ADIPOR1: variants seen among roughly 807,000 people sequenced by gnomAD.
ADIPOR1 encodes the protein adiponectin receptor 1.
Under a neutral mutation model 37.5 loss-of-function variants are expected in ADIPOR1, and 15 were observed. The observed-to-expected ratio is 0.40, with a 90% CI of 0.27 to 0.62. The LOEUF is 0.62. Among genes scored for constraint, ADIPOR1 ranks in the 20% least tolerant of loss-of-function variants. The pLI, the probability that ADIPOR1 is intolerant of heterozygous loss-of-function variation, is 0.42. For missense variants in ADIPOR1, 286 were observed against 478.0 expected (o/e 0.60, Z 3.75); for synonymous variants, 173 against 173.2 (o/e 1.00, Z 0.01).
chr1:202,946,401 GACA>G, intron 4 of ADIPOR1, 35 bp downstream of exon 4: 1 of 1,612,090 alleles, frequency 6.2e-7, no homozygotes, highest in South Asian at 1.1e-5. Context: ...CAGTTAGGGA[GACA>G]ACAAATTCCA....
rs1169700403 is a variant in ADIPOR1 at position 202,941,337 on chromosome 1, C to G, written c.*236G>C. The G allele has an allele frequency of 2.8e-6, 1 of 363,122 alleles. No homozygotes were observed. The highest frequency in any genetic ancestry group is 2.1e-5 in the African/African-American group (1 of 47,794). 22.5% of individuals were successfully genotyped at this position (363,122 alleles called of 1,614,324 possible). ...TGTCTCTGTGAGGGGCCGGTAGATG[C>G]CTTGCTGAGGAGGGGATGGCTAAGT... On this transcript the variant is annotated 3_prime_UTR_variant, in exon 8 of 8. Coordinates refer to ENST00000340990, the MANE Select transcript of ADIPOR1 (RefSeq NM_015999.6).
intron 3 of ADIPOR1, 77 bp downstream of exon 3, chr1:202,948,227 G>T: frequency 2.5e-6 from 3 of 1,217,132 alleles, no homozygotes; most frequent in Non-Finnish European, 3.5e-6. Context: ...TCGACCCAGT[G>T]CAAGCTTGCT....
At chr1:202,956,082 C>T (rs945586265) in intron 1 of ADIPOR1, among the ~76,000 whole-genome samples, 3 of 152,222 alleles carry the variant, frequency 2.0e-5, no homozygotes, top group African/African-American at 7.2e-5. Context: ...GGCCTATGCC[C>T]CCAACATTTC....
In ADIPOR1 at chr1:202,941,566, G is replaced by C; in HGVS notation, c.*7C>G. On this transcript the variant is annotated 3_prime_UTR_variant, in exon 8 of 8. Transcript: ENST00000340990. ...AAGTTCCTCCTCCACCCCGCAGGTGGGAAGGCTCAGAGAAGGGTGTCATCA... is the reference window on the plus strand; with the variant it reads ...AAGTTCCTCCTCCACCCCGCAGGTGCGAAGGCTCAGAGAAGGGTGTCATCA... 2 of 1,601,530 alleles carry C rather than the reference G, an allele frequency of 1.2e-6. No individual in the cohort carries two copies. Among genetic ancestry groups the C allele is most frequent in the Non-Finnish European group, 1.7e-6 (2 of 1,176,552 alleles).
In ADIPOR1 at chr1:202,946,441, A is replaced by G. The variant is rs766267373; in HGVS notation, c.428T>C (p.Leu143Pro). The change falls in exon 4 of 8, where the codon CTT becomes CCT. Residue 143 changes from leucine to proline, a missense_variant and splice_region_variant. Coordinates refer to ENST00000340990, the MANE Select transcript of ADIPOR1 (RefSeq NM_015999.6). ...TETGNIWTHL[L>P]GFVLFLFLGI... ...CTTTCCCCATCCAAATCACTCACCA[A>G]GCAGATGGGTCCAGATGTTGCCAGT... The G allele has an allele frequency of 1.1e-5, 17 of 1,613,860 alleles. No individual in the cohort carries two copies. The highest frequency in any genetic ancestry group is 1.4e-5 in the Non-Finnish European group (17 of 1,180,004).
intron 5 of ADIPOR1, 52 bp from the exon 6 acceptor site, chr1:202,943,997 T>A: frequency 6.6e-7 from 1 of 1,509,320 alleles, no homozygotes; most frequent in Non-Finnish European, 9.1e-7. Context: ...TGAATTTGTA[T>A]GGCTCATTTA....
intron 1 of ADIPOR1, among the ~76,000 whole-genome samples, chr1:202,953,442 C>T (rs561390803): frequency 2.3e-4 from 35 of 152,176 alleles, no homozygotes; most frequent in African/African-American, 8.4e-4. Flanking sequence ...ATACATGGAT[C>T]ATAAAATAAT....
chr1:202,951,460 A>C (rs1654579030), intron 1 of ADIPOR1, among the ~76,000 whole-genome samples: 1 of 151,734 alleles, frequency 6.6e-6, no homozygotes, highest in Non-Finnish European at 1.5e-5. Context: ...CCCACCCTCA[A>C]CTCCCTCCCA....
chr1:202,949,872 G>A (rs1160449877), intron 2 of ADIPOR1, among the ~76,000 whole-genome samples: 1 of 152,134 alleles, frequency 6.6e-6, no homozygotes, highest in Non-Finnish European at 1.5e-5. Context: ...TTTTACTCAG[G>A]CTGCACTTTC....
chr1:202,941,365 G>C lies in ADIPOR1; in HGVS notation c.*208C>G. 4.3e-6 allele frequency: 2 copies of C among 470,386 alleles called. No homozygotes were observed. The highest frequency in any genetic ancestry group is 7.1e-6 in the Non-Finnish European group (2 of 281,266). The allele number at this position is 470,386 out of a possible 1,614,324, so 29.1% of individuals were successfully genotyped here. On this transcript the variant is annotated 3_prime_UTR_variant, in exon 8 of 8. Transcript: ENST00000340990. The stretch of plus-strand genomic sequence containing the variant: ...TGCTGAGGAGGGGATGGCTAAGTTT[G>C]ACCATGCCCCATCCCCAGCTAGGAG...
At chr1:202,945,371 G>A (rs1654266664) in intron 4 of ADIPOR1, among the ~76,000 whole-genome samples, 1 of 152,178 alleles carries the variant, frequency 6.6e-6, no homozygotes, top group Non-Finnish European at 1.5e-5. Flanking sequence ...TGTTGGCATG[G>A]ATATGGTAAA....
At chr1:202,949,033 C>T (rs1025475361) in intron 2 of ADIPOR1, among the ~76,000 whole-genome samples, 1 of 151,794 alleles carries the variant, frequency 6.6e-6, no homozygotes, top group African/African-American at 2.4e-5. Context: ...TCACGTGATC[C>T]TCCTGCCTCG....
intron 6 of ADIPOR1, among the ~76,000 whole-genome samples, 164 bp downstream of exon 6, chr1:202,943,594 T>C (rs1242335974): frequency 6.6e-6 from 1 of 151,794 alleles, no homozygotes; most frequent in Non-Finnish European, 1.5e-5. Context: ...ACACTGGGGG[T>C]TGAGAACTGA....
intron 5 of ADIPOR1, 33 bp downstream of exon 5, chr1:202,944,950 A>G: frequency 6.3e-7 from 1 of 1,580,932 alleles, no homozygotes; most frequent in Non-Finnish European, 8.6e-7. Context: ...ACAACAGTGC[A>G]CAGTATTTTC....
At chr1:202,949,113 GAC>G (rs987271836) in intron 2 of ADIPOR1, among the ~76,000 whole-genome samples, 2 of 151,720 alleles carry the variant, frequency 1.3e-5, no homozygotes, top group South Asian at 2.1e-4. Context: ...CAACGAAAAA[GAC>G]ACAGAGTCTC....
At position 202,945,165 on chromosome 1, in the gene ADIPOR1, G is replaced by A. The variant is rs756017133; in HGVS notation, c.435C>T (p.Phe145=). 10 of 1,606,676 alleles carry A rather than the reference G, an allele frequency of 6.2e-6. No individual in the cohort carries two copies. Among genetic ancestry groups the A allele is most frequent in the African/African-American group, 5.4e-5 (4 of 74,372 alleles). The change falls in exon 5 of 8, where the codon TTC becomes TTT. Residue 145 remains phenylalanine, a synonymous_variant. Transcript: ENST00000340990. ...TGNIWTHLLG[F]VLFLFLGILT... Reference sequence around the variant, plus strand: ...AGATTCCCAAAAAGAGAAACAGCACGAAACCTGCAGGAGGGTAAAATAAAA... The same window carrying A: ...AGATTCCCAAAAAGAGAAACAGCACAAAACCTGCAGGAGGGTAAAATAAAA...
At chr1:202,957,624 G>T (rs1257459125) in intron 1 of ADIPOR1, among the ~76,000 whole-genome samples, 1 of 151,924 alleles carries the variant, frequency 6.6e-6, no homozygotes, top group Admixed American at 6.6e-5. Flanking sequence ...CAGCCTTCAG[G>T]ATTACCTTAA....
rs878890723 is a variant in ADIPOR1 at position 202,941,543 on chromosome 1, G to A, written c.*30C>T. 3 of 1,585,038 alleles carry A rather than the reference G, an allele frequency of 1.9e-6. No homozygotes were observed. The highest frequency in any genetic ancestry group is 2.6e-6 in the Non-Finnish European group (3 of 1,170,464). On this transcript the variant is annotated 3_prime_UTR_variant, in exon 8 of 8. Transcript: ENST00000340990. ...AGTTATTTTTAAAAGCACTTGGGAAGTTCCTCCTCCACCCCGCAGGTGGGA... is the reference window on the plus strand; with the variant it reads ...AGTTATTTTTAAAAGCACTTGGGAAATTCCTCCTCCACCCCGCAGGTGGGA...
intron 6 of ADIPOR1, 36 bp from the exon 7 acceptor site, chr1:202,942,254 A>T: frequency 1.9e-6 from 3 of 1,556,742 alleles, no homozygotes; most frequent in Non-Finnish European, 2.6e-6. Context: ...CAAACAAGGA[A>T]ACAGCCACCG....
Sources: allele counts gnomAD v4.1 joint callset (sites outside exome capture counted in the v4.1 genomes callset), GRCh38; gene constraint gnomAD v4.1.1; transcripts MANE v1.5; gene names NCBI Gene and HGNC (gene_info 2026-07-23, HGNC 2026-07-21).